Variants in BMPER observed in about 807,000 individuals in gnomAD.
BMPER encodes the protein BMP-binding endothelial regulator protein.
BMPER carries 45 observed loss-of-function variants against 87.3 expected under a neutral mutation model. The ratio of observed to expected loss-of-function variants is 0.52; its 90% CI spans 0.41 to 0.66. The LOEUF is 0.66. Ranked by LOEUF, BMPER falls within the 30% of genes least tolerant of loss-of-function variation. The probability of loss-of-function intolerance (pLI) is 0.00; values close to 1 mark genes in which losing one functional copy is unlikely to be tolerated. For missense variants in BMPER, 784 were observed against 867.5 expected, an observed-to-expected ratio of 0.90 and a Z score of 1.21; for synonymous variants, 326 against 316.2, an observed-to-expected ratio of 1.03 and a Z score of -0.33.
Position 34,153,092 on chromosome 7 carries a change from C to T in BMPER, c.1877C>T (p.Ala626Val). The T allele has an allele frequency of 1.2e-6, 2 of 1,613,972 alleles. No homozygotes were observed. The highest frequency in any genetic ancestry group is 1.7e-6 in the Non-Finnish European group (2 of 1,179,884). ...GCCTTTGTCTCCTTCTCTTTTTCAG[C>T]CACCCAGTGTAAGCATGGTGCTGTG... ...VHWEPQQNCAATQCKHGAVYD... is the reference protein window; with the variant it reads ...VHWEPQQNCAVTQCKHGAVYD... The change falls in exon 15 of 15, where the codon GCC becomes GTC. Residue 626 changes from alanine to valine, a missense_variant and splice_region_variant. Ala to Val is a moderately conservative substitution (Grantham distance 64). Transcript: ENST00000649409.
intron 6 of BMPER, among the ~76,000 whole-genome samples, chr7:34,043,152 A>G (rs1225295142): frequency 6.6e-6 from 1 of 152,208 alleles, no homozygotes; most frequent in Non-Finnish European, 1.5e-5. Flanking sequence ...ATTGGAGAAG[A>G]GATTATGGAA....
chr7:34,131,424 T>A (rs1349966446), intron 13 of BMPER, among the ~76,000 whole-genome samples: 1 of 152,180 alleles, frequency 6.6e-6, no homozygotes, highest in Non-Finnish European at 1.5e-5. Flanking sequence ...CTGAAAAAGT[T>A]CACCACTGTA....
chr7:33,938,324 G>C (rs116293845), intron 3 of BMPER, among the ~76,000 whole-genome samples: 1,839 of 152,336 alleles, frequency 0.012, 37 homozygotes, highest in African/African-American at 0.041. Flanking sequence ...TGGAAGCTCA[G>C]AATGTGACCT....
intron 6 of BMPER, among the ~76,000 whole-genome samples, chr7:33,988,788 C>A (rs1334173971): frequency 8.3e-6 from 1 of 120,752 alleles, no homozygotes; most frequent in African/African-American, 3.2e-5. Context: ...ACAACAGTCC[C>A]CAGAGTGTGA....
intron 6 of BMPER, among the ~76,000 whole-genome samples, chr7:34,038,097 C>T (rs946218669): frequency 6.6e-6 from 1 of 152,156 alleles, no homozygotes; most frequent in Non-Finnish European, 1.5e-5. Context: ...ATGTCCTAAT[C>T]TCCAAAACCT....
At chr7:34,034,326 C>A (rs1381814227) in intron 6 of BMPER, among the ~76,000 whole-genome samples, 1 of 152,172 alleles carries the variant, frequency 6.6e-6, no homozygotes, top group Non-Finnish European at 1.5e-5. Context: ...CTGAGCATTG[C>A]TGACATAGAT....
intron 13 of BMPER, among the ~76,000 whole-genome samples, chr7:34,103,507 G>C (rs1029295786): frequency 4.6e-5 from 7 of 152,092 alleles, no homozygotes; most frequent in African/African-American, 1.2e-4. Context: ...AGCTAAGTCC[G>C]AGAGAAGATT....
chr7:34,128,854 A>G (rs530009795), intron 13 of BMPER, among the ~76,000 whole-genome samples: 1 of 152,336 alleles, frequency 6.6e-6, no homozygotes, highest in South Asian at 2.1e-4. Flanking sequence ...TATCACAGAC[A>G]TGATGCAGAT....
intron 6 of BMPER, among the ~76,000 whole-genome samples, chr7:34,017,975 A>C (rs1303098438): frequency 6.6e-6 from 1 of 151,806 alleles, no homozygotes; most frequent in Non-Finnish European, 1.5e-5. Flanking sequence ...CCAAAAAAAA[A>C]AAAAAAACAA....
rs1277640842 is a variant in BMPER, at chr7:33,905,593, AG to A, written c.-18del. ...CGGCGGCGCGGGACCTGCAGTCGCC[AG>A]GGATTCCCTCCAGGTGACGATGCTC... On this transcript the variant is annotated 5_prime_UTR_variant, in exon 1 of 15. Transcript: ENST00000649409. 2 of 1,610,608 alleles carry A rather than the reference AG, an allele frequency of 1.2e-6. No individual in the cohort carries two copies.
chr7:34,003,682 C>G (rs868609230), intron 6 of BMPER, among the ~76,000 whole-genome samples: 2 of 152,126 alleles, frequency 1.3e-5, no homozygotes, highest in Non-Finnish European at 2.9e-5. Context: ...GTTGCAACAA[C>G]AGTTTTGTTG....
chr7:33,984,709 G>A (rs546700083), intron 6 of BMPER, among the ~76,000 whole-genome samples: 1 of 152,312 alleles, frequency 6.6e-6, no homozygotes, highest in South Asian at 2.1e-4. Context: ...ATAGATTTGA[G>A]TGAAATTTGG....
rs144929741 is a variant in BMPER, at chr7:33,914,888, C to A, written c.219+7985C>A. 5.9e-4 allele frequency among the ~76,000 whole-genome samples: 90 copies of A among 152,252 alleles called. 1 individual carries two copies. The highest frequency in any genetic ancestry group is 2.1e-3 in the African/African-American group (89 of 41,550). Reference sequence around the variant, plus strand: ...CTAGTGGCATTAAACATTGCAAAGACCTGGAAGATTCTAGGAGGATGTCAA... The same window carrying A: ...CTAGTGGCATTAAACATTGCAAAGAACTGGAAGATTCTAGGAGGATGTCAA... On this transcript the variant is annotated intron_variant, in intron 2 of 14. Coordinates refer to ENST00000649409, the MANE Select transcript of BMPER (RefSeq NM_001365308.1).
intron 4 of BMPER, among the ~76,000 whole-genome samples, chr7:33,968,380 G>A (rs149236664): frequency 2.6e-5 from 4 of 152,244 alleles, no homozygotes; most frequent in Non-Finnish European, 5.9e-5. Context: ...ACCTCATCTT[G>A]GAATGCAGGA....
intron 13 of BMPER, among the ~76,000 whole-genome samples, chr7:34,112,494 CAGAAAAAAAAAAAAAA>C (rs771093684): frequency 3.4e-5 from 3 of 87,772 alleles, no homozygotes; most frequent in Non-Finnish European, 6.6e-5. Flanking sequence ...GACTCCGTCT[CAGAAAAAAAAAAAAAA>C]AAAAAAAAAA....
intron 11 of BMPER, among the ~76,000 whole-genome samples, chr7:34,077,271 C>G (rs957992938): frequency 2.0e-5 from 3 of 152,020 alleles, no homozygotes; most frequent in Non-Finnish European, 4.4e-5. Flanking sequence ...GGTTAGATAG[C>G]TGGGAACTAG....
chr7:34,050,060 T>A (rs2127959703), intron 7 of BMPER, among the ~76,000 whole-genome samples: 1 of 152,208 alleles, frequency 6.6e-6, no homozygotes, highest in East Asian at 1.9e-4. Context: ...AGGGGAATAT[T>A]TAGGGAAAGA....
chr7:33,962,547 A>C (rs993767763), intron 3 of BMPER, among the ~76,000 whole-genome samples: 3 of 152,148 alleles, frequency 2.0e-5, no homozygotes, highest in Non-Finnish European at 4.4e-5. Flanking sequence ...ATAGTGCTCC[A>C]TATCTTCCAG....
At chr7:34,126,561 G>T (rs565855539) in intron 13 of BMPER, among the ~76,000 whole-genome samples, 2 of 152,156 alleles carry the variant, frequency 1.3e-5, no homozygotes, top group African/African-American at 4.8e-5. Context: ...CCAAGAAGGC[G>T]TATGAGGATG....
Sources: allele counts gnomAD v4.1 joint callset (sites outside exome capture counted in the v4.1 genomes callset), GRCh38; gene constraint gnomAD v4.1.1; transcripts MANE v1.5; gene names NCBI Gene and HGNC (gene_info 2026-07-23, HGNC 2026-07-21).